The following ADGRE1 variants were observed in gnomAD, a reference collection of about 807,000 sequenced individuals.
ADGRE1 encodes the protein adhesion G protein-coupled receptor E1.
In ADGRE1, 82 loss-of-function variants were observed where a neutral mutation model predicts 102.7. The ratio of observed to expected loss-of-function variants is 0.80; its 90% confidence interval spans 0.67 to 0.96. The LOEUF is 0.96. Among genes scored for constraint, ADGRE1 ranks in the 40% least tolerant of loss-of-function variants. ADGRE1 has a pLI of 0.00. For synonymous variants in ADGRE1, 398 were observed against 399.6 expected (o/e 1.00, Z 0.05); for missense variants, 1,032 against 1,085.3 (o/e 0.95, Z 0.69).
At chr19:6,933,006 G>A (rs1040907494) in intron 17 of ADGRE1, among the ~76,000 whole-genome samples, 39 of 152,056 alleles carry the variant, frequency 2.6e-4, no homozygotes, top group East Asian at 1.9e-4. Flanking sequence ...AGATCACTTC[G>A]GGTCAGGAGT....
In ADGRE1 at chr19:6,897,216, G is replaced by A; in HGVS notation, c.306G>A (p.Gly102=). The change falls in exon 4 of 21, where the codon GGG becomes GGA. Residue 102 remains glycine (G), a synonymous_variant. Transcript: ENST00000312053. ...GPNSSCKNLS[G]RYKCSCLDGF... The stretch of plus-strand genomic sequence containing the variant: ...ACTCATCCTGCAAAAACCTGTCAGG[G>A]AGGTACAAGTGCAGCTGTTTAGATG... 1 of 1,613,644 alleles carries A rather than the reference G, an allele frequency of 6.2e-7. No homozygotes were observed. Among genetic ancestry groups the A allele is most frequent in the Admixed American group, 1.7e-5 (1 of 59,904 alleles).
In ADGRE1 at chr19:6,904,266, C is replaced by T. The variant is rs1973871148; in HGVS notation, c.949+84C>T. On this transcript the variant is annotated intron_variant, in intron 8 of 20. Coordinates refer to ENST00000312053, the MANE Select transcript of ADGRE1 (RefSeq NM_001974.5). The stretch of plus-strand genomic sequence containing the variant: ...TTCTCATTCTACCCAACCTCGGGAT[C>T]TTCCTCTTAGTGTTGCCTCATCCAC... The T allele has an allele frequency of 2.6e-6, 4 of 1,538,500 alleles. No individual in the cohort carries two copies. The South Asian group carries it at 3.6e-5, about 14-fold the overall frequency.
At chr19:6,904,709 T>C (rs1011217232) in intron 8 of ADGRE1, among the ~76,000 whole-genome samples, 1 of 152,074 alleles carries the variant, frequency 6.6e-6, no homozygotes, top group Non-Finnish European at 1.5e-5. Flanking sequence ...TGTTTCACCA[T>C]GTTAGCCAGG....
intron 12 of ADGRE1, 128 bp downstream of exon 12, chr19:6,916,496 T>C: frequency 2.4e-6 from 3 of 1,234,130 alleles, no homozygotes; most frequent in Non-Finnish European, 3.3e-6. Context: ...TGGTCCATGC[T>C]CTCAGAGAGT....
intron 16 of ADGRE1, among the ~76,000 whole-genome samples, chr19:6,927,070 G>T (rs1015608168): frequency 6.6e-6 from 1 of 151,790 alleles, no homozygotes; most frequent in Non-Finnish European, 1.5e-5. Context: ...AGAAAAAAGT[G>T]GGGGGAATAT....
chr19:6,926,260 G>T, intron 15 of ADGRE1, 106 bp from the exon 16 acceptor site: 1 of 1,188,854 alleles, frequency 8.4e-7, no homozygotes, highest in Non-Finnish European at 1.2e-6. Context: ...ATGAATGAGT[G>T]AGCTAGGTTT....
chr19:6,928,628 CAA>C (rs59912462), intron 17 of ADGRE1: 87,854 of 160,060 alleles, frequency 0.55, 25,258 homozygotes, highest in African/African-American at 0.77. Context: ...AACTCCGTCT[CAA>C]AAAAAAAAAA....
At chr19:6,907,852 AGAACTCCATTCC>A (rs1236935313) in intron 9 of ADGRE1, among the ~76,000 whole-genome samples, 2 of 152,356 alleles carry the variant, frequency 1.3e-5, no homozygotes, top group East Asian at 3.9e-4. Flanking sequence ...TACATATCAG[AGAACTCCATTCC>A]TTTTTATGGC....
rs1974568818 is a variant in ADGRE1 at position 6,919,855 on chromosome 19, C to T, written c.1620+108C>T. On this transcript the variant is annotated intron_variant, in intron 13 of 20. Coordinates refer to ENST00000312053, the MANE Select transcript of ADGRE1 (RefSeq NM_001974.5). ...ACGGGAAGCTATTGAGGCCGGTAAGCTTCCACAATTTCCAGCAATTCAAGC... is the reference window on the plus strand; with the variant it reads ...ACGGGAAGCTATTGAGGCCGGTAAGTTTCCACAATTTCCAGCAATTCAAGC... The T allele has an allele frequency of 5.4e-6, 6 of 1,106,762 alleles. No individual in the cohort carries two copies. The South Asian group carries it at 7.4e-5, about 14-fold the overall frequency. 68.6% of individuals were successfully genotyped at this position (1,106,762 alleles called of 1,614,324 possible).
chr19:6,935,855 C>T (rs1228411890), intron 18 of ADGRE1, among the ~76,000 whole-genome samples: 6 of 152,172 alleles, frequency 3.9e-5, no homozygotes, highest in Non-Finnish European at 5.9e-5. Flanking sequence ...ATTGTCAACA[C>T]TGGAGTTTAT....
intron 17 of ADGRE1, among the ~76,000 whole-genome samples, chr19:6,929,121 G>A (rs971928513): frequency 5.3e-5 from 8 of 152,182 alleles, no homozygotes; most frequent in African/African-American, 1.9e-4. Context: ...CAGTGTCATT[G>A]TCTGGGGGTA....
chr19:6,918,327 G>C (rs757552745), intron 12 of ADGRE1, among the ~76,000 whole-genome samples: 1 of 151,286 alleles, frequency 6.6e-6, no homozygotes, highest in Non-Finnish European at 1.5e-5. Context: ...TGTAATCCCA[G>C]CTACTCGGGA....
At chr19:6,937,500 C>T (rs1458219704) in intron 19 of ADGRE1, 44 bp from the exon 20 acceptor site, 1 of 1,608,094 alleles carries the variant, frequency 6.2e-7, no homozygotes, top group South Asian at 1.1e-5. Flanking sequence ...ATCCCTGTCA[C>T]TGGACCATTT....
At chr19:6,905,820 A>T (rs568790226) in intron 8 of ADGRE1, among the ~76,000 whole-genome samples, 2 of 152,264 alleles carry the variant, frequency 1.3e-5, no homozygotes, top group East Asian at 3.9e-4. Context: ...TATCTGATGT[A>T]TTTCCAAATA....
rs1469658347 is a variant in ADGRE1 at position 6,937,775 on chromosome 19, A to G, written c.2655+127A>G. The G allele has an allele frequency of 4.2e-6, 3 of 715,052 alleles. No homozygotes were observed. In the African/African-American group the frequency reaches 5.3e-5, roughly 13 times the overall value. 44.3% of individuals were successfully genotyped at this position (715,052 alleles called of 1,614,324 possible). Reference sequence around the variant, plus strand: ...GGTGCCCACCCTAGTTAGCTCATGGATGAAGTGTGGAGTTGAAGACTGGGG... The same window carrying G: ...GGTGCCCACCCTAGTTAGCTCATGGGTGAAGTGTGGAGTTGAAGACTGGGG... On this transcript the variant is annotated intron_variant, in intron 20 of 20. Coordinates refer to ENST00000312053, the MANE Select transcript of ADGRE1 (RefSeq NM_001974.5).
intron 19 of ADGRE1, 24 bp downstream of exon 19, chr19:6,937,435 T>TTCC: frequency 7.8e-7 from 1 of 1,288,846 alleles, no homozygotes; most frequent in Non-Finnish European, 1.1e-6. Flanking sequence ...GCCCTCCCCA[T>TTCC]CCCCCTCCTC....
chr19:6,934,308 C>A lies in ADGRE1; in HGVS notation c.2290-679C>A, dbSNP rs141483416. Among the ~76,000 whole-genome samples, 220 of 152,148 alleles carry A rather than the reference C, an allele frequency of 1.4e-3. 3 individuals carry two copies. The highest frequency in any genetic ancestry group is 4.9e-3 in the African/African-American group (202 of 41,482). ...GAAGTAGGGACAAAAATTAAGGAAG[C>A]TGTCAATTACTAACTAAGTCCTGCT... On this transcript the variant is annotated intron_variant, in intron 17 of 20. Transcript: ENST00000312053.
intron 12 of ADGRE1, among the ~76,000 whole-genome samples, chr19:6,917,765 G>C (rs948286596): frequency 2.6e-5 from 4 of 151,612 alleles, no homozygotes; most frequent in Non-Finnish European, 5.9e-5. Flanking sequence ...AAGAATTGAG[G>C]GTGTTGCATC....
intron 9 of ADGRE1, 62 bp downstream of exon 9, chr19:6,906,583 T>A (rs1440037383): frequency 6.7e-7 from 1 of 1,498,484 alleles, no homozygotes; most frequent in African/African-American, 1.4e-5. Flanking sequence ...AGGTAGAATG[T>A]TGTTTTTGCA....
Sources: allele counts gnomAD v4.1 joint callset (sites outside exome capture counted in the v4.1 genomes callset), GRCh38; gene constraint gnomAD v4.1.1; transcripts MANE v1.5; gene names NCBI Gene and HGNC (gene_info 2026-07-23, HGNC 2026-07-21).